The following DNAAF3 variants were observed in gnomAD, a reference collection of about 807,000 sequenced individuals.
DNAAF3 encodes the protein dynein axonemal assembly factor 3, also known as UPF0470 protein C19orf51.
DNAAF3 carries 40 observed loss-of-function variants against 50.9 expected under a neutral mutation model. The ratio of observed to expected loss-of-function variants is 0.79; its 90% CI spans 0.61 to 1.02. The LOEUF is 1.02. Ranked by LOEUF, DNAAF3 falls within the 50% of genes least tolerant of loss-of-function variation. The pLI, the probability that DNAAF3 is intolerant of heterozygous loss-of-function variation, is 0.00. For synonymous variants in DNAAF3, 327 were observed against 322.8 expected (o/e 1.01, Z -0.14); for missense variants, 763 against 744.7 (o/e 1.02, Z -0.29).
chr19:55,165,690 C>G, intron 3 of DNAAF3, 168 bp downstream of exon 3: 1 of 1,258,824 alleles, frequency 7.9e-7, no homozygotes. Flanking sequence ...AGTTCCAAAC[C>G]CCAGCCCCTT....
At position 55,166,091 on chromosome 19, in the gene DNAAF3, T is replaced by C; in HGVS notation, c.86-91A>G. On this transcript the variant is annotated intron_variant, in intron 2 of 11. Transcript: ENST00000524407. This position sits in a 1 kb window ranked among gnomAD's most constrained non-coding sequence, Gnocchi z 4.0. ...ATAAAAAATGGACTACAAATCCCAG[T>C]AGGCGTTCCGCCCGTGGCCTAGGTT... is the stretch of plus-strand genomic sequence containing the variant. The C allele has an allele frequency of 6.2e-7, 1 of 1,603,854 alleles. No homozygotes were observed.
chr19:55,165,823 C>G (rs761003380), intron 3 of DNAAF3, 35 bp downstream of exon 3: 11 of 1,606,124 alleles, frequency 6.8e-6, no homozygotes, highest in Non-Finnish European at 9.3e-6. Flanking sequence ...CTCAAGGACT[C>G]GGGAATCTGG....
chr19:55,165,523 C>A (rs959594482), intron 3 of DNAAF3, 60 bp from the exon 4 acceptor site: 1 of 1,555,506 alleles, frequency 6.4e-7, no homozygotes, highest in African/African-American at 1.4e-5. Flanking sequence ...CCTAGGAGAC[C>A]CAGGAGAGCA....
Position 55,161,622 on chromosome 19 carries a change from C to A in DNAAF3, c.663+21G>T. 3 of 1,526,466 alleles carry A rather than the reference C, an allele frequency of 2.0e-6. No individual in the cohort carries two copies. The African/African-American group carries it at 4.1e-5, about 21-fold the overall frequency. The allele number at this position is 1,526,466 out of a possible 1,614,324, so 94.6% of individuals were successfully genotyped here. ...CAGACCCAGGGGTCCAGGCCCCCAG[C>A]CCCTCTCCTGGGCCCCTCACCCCGC... On this transcript the variant is annotated intron_variant, in intron 6 of 11. Coordinates refer to ENST00000524407, the MANE Select transcript of DNAAF3 (RefSeq NM_001256715.2). This position sits in a 1 kb window ranked among gnomAD's most constrained non-coding sequence, Gnocchi z 6.4.
Position 55,159,968 on chromosome 19 carries a change from T to C in DNAAF3, c.1094A>G (p.Asn365Ser), listed in dbSNP as rs1277298330. ...CTTGTGGTGGAGAGTCTGAGCAGAA[T>C]TGAGCGGCAGGAAGTGGACGGTGAA... ...ESFTVHFLPL[N>S]SAQTLHHKSC... The change falls in exon 10 of 12, where the codon AAT becomes AGT. Residue 365 changes from asparagine to serine, a missense_variant. By Grantham distance (46) the Asn-to-Ser change is conservative. Coordinates refer to ENST00000524407, the MANE Select transcript of DNAAF3 (RefSeq NM_001256715.2). 1.9e-6 allele frequency: 3 copies of C among 1,613,668 alleles called. No homozygotes were observed. The highest frequency in any genetic ancestry group is 1.7e-6 in the Non-Finnish European group (2 of 1,179,968).
At position 55,163,990 on chromosome 19, in the gene DNAAF3, T is replaced by C. The variant is rs2085891067; in HGVS notation, c.322+1380A>G. 2.0e-5 allele frequency among the ~76,000 whole-genome samples: 3 copies of C among 152,270 alleles called. No homozygotes were observed. The South Asian group carries it at 6.2e-4, about 32-fold the overall frequency. On this transcript the variant is annotated intron_variant, in intron 4 of 11. Transcript: ENST00000524407. ...TCACAGGGGCAGATTTCTCCCTTGC[T>C]GTTCTCGTGATAGTGAGTTCCCACA... is the stretch of plus-strand genomic sequence containing the variant.
At position 55,159,300 on chromosome 19, in the gene DNAAF3, C is replaced by T. The variant is rs1568861967; in HGVS notation, c.1388G>A (p.Gly463Asp). 6.8e-6 allele frequency: 11 copies of T among 1,614,122 alleles called. No homozygotes were observed. Among genetic ancestry groups the T allele is most frequent in the Middle Eastern group, 3.3e-4 (2 of 6,062 alleles). ...GGGTTCCACAGCTGGGACAGTGTTG[C>T]CCAGAGCTGATTCCTGGGACTTGCA... ...RFCKSQESAL[G>D]NTVPAVEPGT... Residue 463 changes from glycine to aspartate, a missense_variant, in exon 12 of 12, where the codon GGC becomes GAC. Gly to Asp is a moderately conservative substitution (Grantham distance 94). Coordinates refer to ENST00000524407, the MANE Select transcript of DNAAF3 (RefSeq NM_001256715.2).
chr19:55,164,059 T>G (rs980647485), intron 4 of DNAAF3, among the ~76,000 whole-genome samples: 6 of 152,208 alleles, frequency 3.9e-5, no homozygotes, highest in African/African-American at 1.2e-4. Context: ...CCACTGCCTC[T>G]CTTGCCCCTT....
chr19:55,162,073 CTG>C, intron 5 of DNAAF3, 58 bp downstream of exon 5: 2 of 1,253,416 alleles, frequency 1.6e-6, no homozygotes, highest in Non-Finnish European at 2.0e-6. Flanking sequence ...GTCCTTTGGA[CTG>C]TGCGCTTCCA....
intron 4 of DNAAF3, among the ~76,000 whole-genome samples, chr19:55,164,195 T>C (rs1024760799): frequency 3.3e-5 from 5 of 152,164 alleles, no homozygotes; most frequent in Admixed American, 2.0e-4. Flanking sequence ...ACCTCTTTTC[T>C]TGGGGCCGGG....
At position 55,162,259 on chromosome 19, in the gene DNAAF3, C is replaced by T. The variant is rs192924578; in HGVS notation, c.354G>A (p.Gly118=). The T allele has an allele frequency of 2.3e-5, 29 of 1,250,194 alleles. No individual in the cohort carries two copies. In the Admixed American group the frequency reaches 2.9e-4, roughly 12 times the overall value. The allele number at this position is 1,250,194 out of a possible 1,614,324, so 77.4% of individuals were successfully genotyped here. Residue 118 remains glycine (G), a synonymous_variant, in exon 5 of 12, where the codon GGG becomes GGA. Coordinates refer to ENST00000524407, the MANE Select transcript of DNAAF3 (RefSeq NM_001256715.2). ...CCACTGGCGGGCGCAGCAGCGCGTT[C>T]CCCCACACTTCCAGGAAGGTCTCGC... The part of the protein sequence containing the change: ...ERSETFLEVW[G]NALLRPPVAA...
rs2085937793 is a variant in DNAAF3, at chr19:55,166,303, A to G, written c.85+26T>C. 1.9e-6 allele frequency: 3 copies of G among 1,611,144 alleles called. No individual in the cohort carries two copies. Among genetic ancestry groups the G allele is most frequent in the Non-Finnish European group, 2.5e-6 (3 of 1,178,620 alleles). On this transcript the variant is annotated intron_variant, in intron 2 of 11. Coordinates refer to ENST00000524407, the MANE Select transcript of DNAAF3 (RefSeq NM_001256715.2). The surrounding 1 kb of genome is among the most constrained non-coding windows in gnomAD (Gnocchi z 4.0). ...CTCAGGCTGGGAAGGCAGACGGTGT[A>G]TCAGACCTTGCGTGCTGGGACTCAC... is the stretch of plus-strand genomic sequence containing the variant.
intron 4 of DNAAF3, among the ~76,000 whole-genome samples, chr19:55,164,411 G>C (rs1179208462): frequency 6.6e-6 from 1 of 152,170 alleles, no homozygotes; most frequent in Non-Finnish European, 1.5e-5. Context: ...GAATCCAGGA[G>C]GCAGAGGTTA....
rs752849203 is a variant in DNAAF3, at chr19:55,166,123, G to A, written c.86-123C>T. On this transcript the variant is annotated intron_variant, in intron 2 of 11. Coordinates refer to ENST00000524407, the MANE Select transcript of DNAAF3 (RefSeq NM_001256715.2). The surrounding 1 kb of genome is among the most constrained non-coding windows in gnomAD (Gnocchi z 4.0). Reference sequence around the variant, plus strand: ...TCCGCCCGTGGCCTAGGTTCTAAGGGGAGGTGTTTCCTCTGAGTATTCTGG... The same window carrying A: ...TCCGCCCGTGGCCTAGGTTCTAAGGAGAGGTGTTTCCTCTGAGTATTCTGG... The A allele has an allele frequency of 1.5e-5, 23 of 1,571,522 alleles. No individual in the cohort carries two copies. Among genetic ancestry groups the A allele is most frequent in the Non-Finnish European group, 1.9e-5 (22 of 1,158,686 alleles).
In DNAAF3 at chr19:55,159,333, G is replaced by T. The variant is rs1341963674; in HGVS notation, c.1355C>A (p.Ala452Glu). ...QTGARPSETF[A>E]RFCKSQESAL... ...TGATTCCTGGGACTTGCAGAAACGT[G>T]CGAAGGTCTCTGAAGGCCTGGCCCC... is the stretch of plus-strand genomic sequence containing the variant. The change falls in exon 12 of 12, where the codon GCA becomes GAA. Residue 452 changes from alanine to glutamate, a missense_variant. By Grantham distance (107) the Ala-to-Glu change is moderately radical. Transcript: ENST00000524407. 1 of 1,614,180 alleles carries T rather than the reference G, an allele frequency of 6.2e-7. No homozygotes were observed. The highest frequency in any genetic ancestry group is 1.1e-5 in the South Asian group (1 of 91,092).
Position 55,159,962 on chromosome 19 carries a change from G to A in DNAAF3, c.1100C>T (p.Ala367Val), listed in dbSNP as rs768812237. The A allele has an allele frequency of 1.2e-6, 2 of 1,613,892 alleles. No individual in the cohort carries two copies. Among genetic ancestry groups the A allele is most frequent in the Admixed American group, 1.7e-5 (1 of 59,998 alleles). ...GCAGCTCTTGTGGTGGAGAGTCTGA[G>A]CAGAATTGAGCGGCAGGAAGTGGAC... ...FTVHFLPLNSAQTLHHKSCYN... is the reference protein window; with the variant it reads ...FTVHFLPLNSVQTLHHKSCYN... Residue 367 changes from alanine to valine, a missense_variant, in exon 10 of 12, where the codon GCT (alanine) becomes GTT (valine). Transcript: ENST00000524407.
chr19:55,162,487 T>C (rs1348250702), intron 4 of DNAAF3, 197 bp from the exon 5 acceptor site: 1 of 817,780 alleles, frequency 1.2e-6, no homozygotes, highest in East Asian at 3.6e-5. Context: ...CTCGGGAGGC[T>C]GAGGCAGGAG....
chr19:55,165,467 G>C lies in DNAAF3; in HGVS notation c.229-4C>G. On this transcript the variant is annotated splice_region_variant and splice_polypyrimidine_tract_variant and intron_variant, in intron 3 of 11. Coordinates refer to ENST00000524407, the MANE Select transcript of DNAAF3 (RefSeq NM_001256715.2). ...GATTATTCTCCAGCACAAAGAACTA[G>C]AAGGATGGACAGGGCAGAATAATTC... is the stretch of plus-strand genomic sequence containing the variant. The C allele has an allele frequency of 6.2e-7, 1 of 1,613,988 alleles. No homozygotes were observed.
intron 4 of DNAAF3, 37 bp from the exon 5 acceptor site, chr19:55,162,327 A>C: frequency 8.0e-7 from 1 of 1,248,918 alleles, no homozygotes; most frequent in Non-Finnish European, 1.0e-6. Context: ...GAATGTGTGG[A>C]GGAGGGAGCC....
Sources: allele counts gnomAD v4.1 joint callset (sites outside exome capture counted in the v4.1 genomes callset), GRCh38; gene constraint gnomAD v4.1.1; non-coding constraint Gnocchi (gnomAD v3.1); transcripts MANE v1.5; gene names NCBI Gene and HGNC (gene_info 2026-07-23, HGNC 2026-07-21).